The following LRRC39 variants were observed in gnomAD, a reference collection of about 807,000 sequenced individuals.
LRRC39 encodes leucine rich repeat containing 39, also known as leucine-rich repeat-containing protein 39.
In LRRC39, 35 loss-of-function variants were observed where a neutral mutation model predicts 39.7. The observed-to-expected ratio is 0.88, with a 90% CI of 0.67 to 1.17. The LOEUF is 1.17. LRRC39 is among the 50% of genes most tolerant of loss of function. The pLI is 0.00. For synonymous variants in LRRC39, 113 were observed against 134.1 expected (o/e 0.84, Z 1.09); for missense variants, 357 against 385.8 (o/e 0.93, Z 0.62).
intron 3 of LRRC39, among the ~76,000 whole-genome samples, chr1:100,164,118 T>G (rs1659070113): frequency 6.6e-6 from 1 of 152,106 alleles, no homozygotes; most frequent in South Asian, 2.1e-4. Flanking sequence ...TATTGTAGAA[T>G]AAGGCCTTTT....
intron 2 of LRRC39, among the ~76,000 whole-genome samples, chr1:100,172,214 C>T (rs1659664149): frequency 6.6e-6 from 1 of 152,058 alleles, no homozygotes; most frequent in South Asian, 2.1e-4. Context: ...ATGAACTCTT[C>T]CTGAGAATAG....
At chr1:100,149,132 C>T (rs772787455) in intron 9 of LRRC39, 35 bp from the exon 10 acceptor site, 79 of 1,570,478 alleles carry the variant, frequency 5.0e-5, no homozygotes, top group East Asian at 4.8e-4. Flanking sequence ...ACATAATTAG[C>T]GTATTTCTGT....
chr1:100,159,606 C>CTT lies in LRRC39; in HGVS notation c.220-193_220-192dup, dbSNP rs10593200. Among the ~76,000 whole-genome samples, 13 of 41,280 alleles carry CTT rather than the reference C, an allele frequency of 3.1e-4. 1 individual carries two copies. The highest frequency in any genetic ancestry group is 4.1e-4 in the African/African-American group (4 of 9,798). The allele number at this position is 41,280 out of a possible 152,430, so 27.1% of individuals were successfully genotyped here. A position where few individuals can be genotyped will look rare whatever the true frequency, so the allele number is the denominator to read the frequency against. ...GATCTTTCCTTTTTTTTTTCTTTTC[C>CTT]TTTTTTTTTTTTTTTTTTTTTGGCT... On this transcript the variant is annotated intron_variant, in intron 4 of 9. Transcript: ENST00000370137.
intron 3 of LRRC39, among the ~76,000 whole-genome samples, chr1:100,163,842 G>A (rs1254913973): frequency 6.6e-6 from 1 of 152,130 alleles, no homozygotes; most frequent in African/African-American, 2.4e-5. Context: ...TGAGGCTAAA[G>A]CAGATGGATC....
At chr1:100,154,970 A>T in intron 8 of LRRC39, 81 bp downstream of exon 8, 1 of 1,264,234 alleles carries the variant, frequency 7.9e-7, no homozygotes. Flanking sequence ...GAAATTTATT[A>T]ATAACAATCT....
intron 3 of LRRC39, 113 bp downstream of exon 3, chr1:100,168,291 G>T: frequency 1.2e-6 from 1 of 814,364 alleles, no homozygotes; most frequent in Non-Finnish European, 1.9e-6. Context: ...TGAGTTTTCA[G>T]TAAATAAAAT....
intron 8 of LRRC39, 48 bp from the exon 9 acceptor site, chr1:100,152,572 T>C (rs1243719893): frequency 6.3e-7 from 1 of 1,579,572 alleles, no homozygotes; most frequent in Non-Finnish European, 8.6e-7. Flanking sequence ...CATGGAAGTG[T>C]ACATTTATTT....
At chr1:100,175,349 G>GTTTT (rs576646143) in intron 1 of LRRC39, among the ~76,000 whole-genome samples, 2 of 133,270 alleles carry the variant, frequency 1.5e-5, no homozygotes, top group Admixed American at 7.6e-5. Context: ...CAGTGTGCCA[G>GTTTT]TTTTTTTTTT....
chr1:100,148,637 T>C lies in LRRC39; in HGVS notation c.*405A>G, dbSNP rs1313309439. On this transcript the variant is annotated 3_prime_UTR_variant, in exon 10 of 10. Transcript: ENST00000370137. ...TTATTCAATTTAGGCTTCTTAGTGT[T>C]GAAGAAAAGAAGAAAATAGGGCATC... is the stretch of plus-strand genomic sequence containing the variant. 9.3e-6 allele frequency: 15 copies of C among 1,607,646 alleles called. No homozygotes were observed. Among genetic ancestry groups the C allele is most frequent in the Non-Finnish European group, 1.3e-5 (15 of 1,178,464 alleles).
chr1:100,164,692 TATTA>T (rs980550226), intron 3 of LRRC39, among the ~76,000 whole-genome samples: 2 of 152,144 alleles, frequency 1.3e-5, no homozygotes, highest in African/African-American at 4.8e-5. Flanking sequence ...ATTGTTTATT[TATTA>T]ATTTTTTTCT....
At chr1:100,162,218 T>C (rs12127181) in intron 3 of LRRC39, among the ~76,000 whole-genome samples, 6,721 of 152,328 alleles carry the variant, frequency 0.044, 180 homozygotes, top group African/African-American at 0.06. Flanking sequence ...CAATTTCATC[T>C]TACTACATGT....
intron 1 of LRRC39, among the ~76,000 whole-genome samples, chr1:100,174,305 T>C (rs190292136): frequency 1.4e-3 from 215 of 152,080 alleles, no homozygotes; most frequent in African/African-American, 5.1e-3. Flanking sequence ...GTGGAAATTT[T>C]TTTTTTTTTT....
intron 6 of LRRC39, 89 bp from the exon 7 acceptor site, chr1:100,156,406 C>G: frequency 8.1e-7 from 1 of 1,229,670 alleles, no homozygotes; most frequent in East Asian, 2.5e-5. Context: ...ATTTCACATC[C>G]AGGAATATTC....
rs936086877 is a variant in LRRC39 at position 100,148,798 on chromosome 1, C to T, written c.*244G>A. 6.6e-7 allele frequency: 1 copy of T among 1,515,698 alleles called. No individual in the cohort carries two copies. The highest frequency in any genetic ancestry group is 2.2e-5 in the Admixed American group (1 of 46,426). The allele number at this position is 1,515,698 out of a possible 1,614,324, so 93.9% of individuals were successfully genotyped here. A position where few individuals can be genotyped will look rare whatever the true frequency, so the allele number is the denominator to read the frequency against. On this transcript the variant is annotated 3_prime_UTR_variant, in exon 10 of 10. Transcript: ENST00000370137. ...TTAACTGCTTTACCAAATCATTCTT[C>T]ATCACCAGAAACAACTGCTTAATGG...
intron 3 of LRRC39, among the ~76,000 whole-genome samples, chr1:100,165,873 C>CTTTTTTT (rs370682819): frequency 1.6e-5 from 2 of 126,708 alleles, no homozygotes; most frequent in African/African-American, 3.0e-5. Context: ...TTTCCCCTTT[C>CTTTTTTT]TTTTTTTTTT....
At chr1:100,158,733 G>A (rs1386728186) in intron 5 of LRRC39, among the ~76,000 whole-genome samples, 1 of 152,144 alleles carries the variant, frequency 6.6e-6, no homozygotes, top group East Asian at 1.9e-4. Context: ...ACCGCGCCCG[G>A]CCTACAGCAT....
At position 100,167,829 on chromosome 1, in the gene LRRC39, TAGAA is replaced by T. The variant is rs147905709; in HGVS notation, c.113+571_113+574del. 4.9e-3 allele frequency among the ~76,000 whole-genome samples: 726 copies of T among 148,210 alleles called. 5 individuals are homozygous for T. The highest frequency in any genetic ancestry group is 8.3e-3 in the Non-Finnish European group (557 of 67,296). On this transcript the variant is annotated intron_variant, in intron 3 of 9. Coordinates refer to ENST00000370137, the MANE Select transcript of LRRC39 (RefSeq NM_144620.4). Reference sequence around the variant, plus strand: ...ATAATAATAATAATAATAATAATGATAGAAAGAGACAATGAATGAGAATTGTATG... The same window carrying T: ...ATAATAATAATAATAATAATAATGATAGAGACAATGAATGAGAATTGTATG...
chr1:100,168,235 G>A (rs144106431), intron 3 of LRRC39, among the ~76,000 whole-genome samples, 169 bp downstream of exon 3: 20 of 152,102 alleles, frequency 1.3e-4, no homozygotes, highest in Non-Finnish European at 1.9e-4. Flanking sequence ...GACTCCTATC[G>A]CATAGACAAA....
At chr1:100,177,260 C>G (rs1660027876) in intron 1 of LRRC39, among the ~76,000 whole-genome samples, 1 of 152,076 alleles carries the variant, frequency 6.6e-6, no homozygotes, top group African/African-American at 2.4e-5. Flanking sequence ...TTCTAGGGAG[C>G]AGGACTGGTG....
Sources: gnomAD v4.1 joint callset for allele counts (sites outside exome capture counted in the v4.1 genomes callset) on GRCh38, gnomAD v4.1.1 for gene constraint, MANE v1.5 for transcripts, NCBI Gene and HGNC (gene_info 2026-07-23, HGNC 2026-07-21) for gene names.